SLC35F1: variants seen among roughly 807,000 people sequenced by gnomAD.
The protein encoded by SLC35F1 is chromosome 6 open reading frame 169.
Under a neutral mutation model 48.7 loss-of-function variants are expected in SLC35F1, and 14 were observed. The observed-to-expected ratio is 0.29, with a 90% CI of 0.19 to 0.45. SLC35F1 has a LOEUF of 0.45. Among genes scored for constraint, SLC35F1 ranks in the 20% least tolerant of loss-of-function variants. The pLI, the probability that SLC35F1 is intolerant of heterozygous loss-of-function variation, is 1.00. For missense variants in SLC35F1, 404 were observed against 500.0 expected (o/e 0.81, Z 1.83); for synonymous variants, 190 against 202.2 (o/e 0.94, Z 0.51).
chr6:117,972,245 AC>A, intron 1 of SLC35F1, among the ~76,000 whole-genome samples: 1 of 152,248 alleles, frequency 6.6e-6, no homozygotes, highest in East Asian at 1.9e-4. Context: ...TCCTTATGAG[AC>A]CACCTCAGCC....
At chr6:117,974,660 T>A (rs1255240736) in intron 1 of SLC35F1, among the ~76,000 whole-genome samples, 1 of 152,210 alleles carries the variant, frequency 6.6e-6, no homozygotes, top group Admixed American at 6.5e-5. Context: ...AGAGCTTTGG[T>A]TTCTGTGGGA....
chr6:118,277,856 A>G (rs993243876), intron 6 of SLC35F1, among the ~76,000 whole-genome samples: 6 of 152,232 alleles, frequency 3.9e-5, no homozygotes, highest in African/African-American at 1.2e-4. Flanking sequence ...GTGGTAGCAC[A>G]TAAGTGACAG....
intron 1 of SLC35F1, among the ~76,000 whole-genome samples, chr6:118,105,968 C>T (rs952550746): frequency 1.3e-5 from 2 of 152,140 alleles, no homozygotes; most frequent in African/African-American, 2.4e-5. Context: ...CTCATTGTCC[C>T]AGACTGCACA....
chr6:118,213,814 A>G (rs1459426922), intron 2 of SLC35F1, among the ~76,000 whole-genome samples: 2 of 152,202 alleles, frequency 1.3e-5, no homozygotes, highest in Non-Finnish European at 1.5e-5. Flanking sequence ...GCATGTGTAT[A>G]AAAACAAAAA....
intron 1 of SLC35F1, among the ~76,000 whole-genome samples, chr6:118,054,484 TC>T (rs1402705595): frequency 6.6e-6 from 1 of 152,268 alleles, no homozygotes; most frequent in Non-Finnish European, 1.5e-5. Flanking sequence ...GGAATATAAT[TC>T]CCTGCTCTTG....
At chr6:118,050,911 G>C (rs1772379120) in intron 1 of SLC35F1, among the ~76,000 whole-genome samples, 1 of 152,104 alleles carries the variant, frequency 6.6e-6, no homozygotes, top group African/African-American at 2.4e-5. Flanking sequence ...CCTGGTAGCT[G>C]TAGGGTGGAG....
chr6:118,165,411 A>G (rs1334675541), intron 2 of SLC35F1, among the ~76,000 whole-genome samples: 1 of 152,202 alleles, frequency 6.6e-6, no homozygotes, highest in African/African-American at 2.4e-5. Flanking sequence ...ACAAATCCAG[A>G]CATTGCAGAG....
At chr6:117,981,130 T>C (rs1776771307) in intron 1 of SLC35F1, among the ~76,000 whole-genome samples, 1 of 152,148 alleles carries the variant, frequency 6.6e-6, no homozygotes, top group Admixed American at 6.5e-5. Flanking sequence ...TGGGTTGCCA[T>C]TAAGTAAGAT....
At chr6:118,065,069 T>G (rs1156821644) in intron 1 of SLC35F1, among the ~76,000 whole-genome samples, 1 of 152,194 alleles carries the variant, frequency 6.6e-6, no homozygotes, top group Non-Finnish European at 1.5e-5. Flanking sequence ...AATTATTGCA[T>G]GATCTTCCAC....
chr6:117,924,457 T>TAC (rs1372189128), intron 1 of SLC35F1, among the ~76,000 whole-genome samples: 13 of 150,972 alleles, frequency 8.6e-5, no homozygotes, highest in African/African-American at 3.2e-4. Flanking sequence ...CATACCTATA[T>TAC]GTGTGTACAT....
intron 2 of SLC35F1, among the ~76,000 whole-genome samples, chr6:118,204,122 A>G (rs1461499427): frequency 6.6e-6 from 1 of 151,712 alleles, no homozygotes; most frequent in Non-Finnish European, 1.5e-5. Context: ...GACCCAAGAC[A>G]TAAGGGAGAG....
chr6:117,909,975 T>C (rs544117053), intron 1 of SLC35F1, among the ~76,000 whole-genome samples: 20 of 152,344 alleles, frequency 1.3e-4, no homozygotes, highest in African/African-American at 3.8e-4. Context: ...TTTATTTATT[T>C]GTCTTTCAAA....
intron 1 of SLC35F1, among the ~76,000 whole-genome samples, chr6:117,933,345 G>A (rs1333394275): frequency 6.6e-6 from 1 of 152,166 alleles, no homozygotes; most frequent in Non-Finnish European, 1.5e-5. Context: ...TATTGTTTTA[G>A]AGTAGCAAAT....
rs1331107233 is a variant in SLC35F1, at chr6:118,316,747, C to G, written c.*2495C>G. 6.6e-6 allele frequency: 1 copy of G among 152,044 alleles called. No individual in the cohort carries two copies. 9.4% of individuals were successfully genotyped at this position (152,044 alleles called of 1,614,324 possible). A position where few individuals can be genotyped will look rare whatever the true frequency, so the allele number is the denominator to read the frequency against. ...TTAATTGACTCCATTGTATGGAAAC[C>G]AAGTGTGAATGTTAAGATGAATTTG... is the stretch of plus-strand genomic sequence containing the variant. On this transcript the variant is annotated 3_prime_UTR_variant, in exon 8 of 8. Coordinates refer to ENST00000360388, the MANE Select transcript of SLC35F1 (RefSeq NM_001029858.4).
chr6:118,138,582 GATTT>G (rs1773833043), intron 1 of SLC35F1, among the ~76,000 whole-genome samples: 2 of 152,120 alleles, frequency 1.3e-5, no homozygotes, highest in Non-Finnish European at 2.9e-5. Flanking sequence ...AACTTCATTA[GATTT>G]ATCTGAAGTG....
At chr6:117,976,128 T>G (rs889950403) in intron 1 of SLC35F1, among the ~76,000 whole-genome samples, 12 of 152,226 alleles carry the variant, frequency 7.9e-5, no homozygotes, top group Admixed American at 6.5e-5. Context: ...GAGTGTGATC[T>G]TCTTTGTCTA....
intron 2 of SLC35F1, among the ~76,000 whole-genome samples, chr6:118,183,687 C>G (rs1303269167): frequency 6.6e-6 from 1 of 152,068 alleles, no homozygotes; most frequent in African/African-American, 2.4e-5. Context: ...GGATCTCAAA[C>G]TAGGTAATTC....
intron 1 of SLC35F1, among the ~76,000 whole-genome samples, chr6:117,986,812 G>A (rs1776853812): frequency 1.3e-5 from 2 of 152,164 alleles, no homozygotes; most frequent in Admixed American, 6.5e-5. Context: ...GCTCTGAAGA[G>A]CTTTTGCTCT....
At chr6:117,949,720 C>A (rs956047873) in intron 1 of SLC35F1, among the ~76,000 whole-genome samples, 3 of 152,168 alleles carry the variant, frequency 2.0e-5, no homozygotes, top group Non-Finnish European at 4.4e-5. Flanking sequence ...GTTTTTGGTT[C>A]ATAACCTATC....
Sources: gnomAD v4.1 joint callset for allele counts (sites outside exome capture counted in the v4.1 genomes callset) on GRCh38, gnomAD v4.1.1 for gene constraint, MANE v1.5 for transcripts, NCBI Gene and HGNC (gene_info 2026-07-23, HGNC 2026-07-21) for gene names.